Variants in KDM2B observed in about 807,000 individuals in gnomAD.
KDM2B encodes the protein lysine demethylase 2B.
KDM2B carries 26 observed loss-of-function variants against 150.0 expected under a neutral mutation model. The observed-to-expected ratio is 0.17, with a 90% CI of 0.13 to 0.24. The LOEUF (loss-of-function observed/expected upper bound fraction) is 0.24, where lower values mean the gene tolerates loss of function less well. Ranked by LOEUF, KDM2B falls within the 10% of genes least tolerant of loss-of-function variation. KDM2B has a pLI of 1.00. For synonymous variants in KDM2B, 734 were observed against 729.5 expected, an observed-to-expected ratio of 1.01 and a Z score of -0.10; for missense variants, 1,265 against 1,816.9, an observed-to-expected ratio of 0.70 and a Z score of 5.52.
At chr12:121,580,378 GC>G (rs1409399822) in intron 1 of KDM2B, 1 of 1,008,302 alleles carries the variant, frequency 9.9e-7, no homozygotes, top group Non-Finnish European at 1.2e-6. Flanking sequence ...GGGGGCGGCG[GC>G]CCGAGGAGGT....
chr12:121,515,818 C>G (rs1371347509), intron 9 of KDM2B, among the ~76,000 whole-genome samples: 1 of 151,984 alleles, frequency 6.6e-6, no homozygotes, highest in Non-Finnish European at 1.5e-5. Flanking sequence ...GGATGGAATG[C>G]TTTGGAATGG....
At chr12:121,536,660 GTT>G (rs71079076) in intron 6 of KDM2B, among the ~76,000 whole-genome samples, 12 of 141,608 alleles carry the variant, frequency 8.5e-5, no homozygotes, top group African/African-American at 2.3e-4. Flanking sequence ...CTTCGTCTTG[GTT>G]TTTTTTTTTT....
intron 1 of KDM2B, chr12:121,580,228 C>A: frequency 1.5e-6 from 2 of 1,370,648 alleles, no homozygotes; most frequent in East Asian, 2.6e-5. Context: ...TTGCAAAGTC[C>A]TAGGAAACCA....
chr12:121,443,974 A>C, intron 16 of KDM2B, 38 bp downstream of exon 16: 15 of 1,575,390 alleles, frequency 9.5e-6, no homozygotes, highest in Non-Finnish European at 1.3e-5. Context: ...GACCAGCCAG[A>C]CCAACCCCTT....
chr12:121,451,220 A>G (rs1555291573), intron 13 of KDM2B, among the ~76,000 whole-genome samples: 1 of 152,184 alleles, frequency 6.6e-6, no homozygotes, highest in Non-Finnish European at 1.5e-5. Context: ...GAAGACCTTT[A>G]TGATGATCCA....
Position 121,518,175 on chromosome 12 carries a change from G to A in KDM2B, c.1047+2810C>T, listed in dbSNP as rs1886391968. On this transcript the variant is annotated intron_variant, in intron 9 of 22. Coordinates refer to ENST00000377071, the MANE Select transcript of KDM2B (RefSeq NM_032590.5). The surrounding 1 kb of genome is among the most constrained non-coding windows in gnomAD (Gnocchi z 4.4). ...CCCAAAGTGCTGGGATTACAGGCGT[G>A]AGTCACCATGCCCAGCCTATAAAAC... Among the ~76,000 whole-genome samples, 1 of 152,188 alleles carries A rather than the reference G, an allele frequency of 6.6e-6. No individual in the cohort carries two copies. The highest frequency in any genetic ancestry group is 1.9e-4 in the East Asian group (1 of 5,188).
intron 12 of KDM2B, among the ~76,000 whole-genome samples, chr12:121,489,552 G>T (rs571509991): frequency 6.6e-6 from 1 of 152,226 alleles, no homozygotes; most frequent in East Asian, 1.9e-4. Flanking sequence ...TGATTCTCCT[G>T]CCTCAGCCTC....
chr12:121,464,225 C>A (rs1879507803), intron 12 of KDM2B, among the ~76,000 whole-genome samples: 1 of 152,084 alleles, frequency 6.6e-6, no homozygotes, highest in African/African-American at 2.4e-5. Flanking sequence ...AGAGCAGGAC[C>A]CTGACTCAAA....
At chr12:121,450,119 G>A (rs1876968011) in intron 13 of KDM2B, among the ~76,000 whole-genome samples, 1 of 152,050 alleles carries the variant, frequency 6.6e-6, no homozygotes, top group Admixed American at 6.6e-5. Context: ...TTTGAGACCA[G>A]CCTAGACAAT....
At chr12:121,572,204 T>C (rs1288994248) in intron 4 of KDM2B, among the ~76,000 whole-genome samples, 10 of 152,082 alleles carry the variant, frequency 6.6e-5, no homozygotes, top group Non-Finnish European at 1.0e-4. Context: ...CTCTAAAACA[T>C]ATAAATAAAA....
At chr12:121,526,743 T>G (rs1318170039) in intron 8 of KDM2B, among the ~76,000 whole-genome samples, 1 of 151,812 alleles carries the variant, frequency 6.6e-6, no homozygotes, top group Non-Finnish European at 1.5e-5. Context: ...AATTTAAAAA[T>G]TTTTTTAGCC....
At chr12:121,524,707 A>T (rs1555306507) in intron 8 of KDM2B, 1 of 454,294 alleles carries the variant, frequency 2.2e-6, no homozygotes, top group Non-Finnish European at 4.4e-6. Context: ...ACAGCCCAGG[A>T]AGCATGAGAG....
At chr12:121,554,488 G>A (rs1889757462) in intron 4 of KDM2B, among the ~76,000 whole-genome samples, 1 of 151,416 alleles carries the variant, frequency 6.6e-6, no homozygotes, top group Admixed American at 6.6e-5. Context: ...TCGGCTCACT[G>A]CAACCTCTGC....
chr12:121,482,318 T>G (rs981951282), intron 12 of KDM2B, among the ~76,000 whole-genome samples: 40 of 152,136 alleles, frequency 2.6e-4, no homozygotes, highest in African/African-American at 8.2e-4. Flanking sequence ...TTTCATTGTG[T>G]TGTTTTGAGA....
chr12:121,461,563 T>C (rs75753323), intron 12 of KDM2B, among the ~76,000 whole-genome samples: 1,779 of 152,174 alleles, frequency 0.012, 38 homozygotes, highest in African/African-American at 0.041. Flanking sequence ...GACCCGGTGA[T>C]TGGCTGAACA....
intron 12 of KDM2B, among the ~76,000 whole-genome samples, chr12:121,474,581 G>C (rs1946072687): frequency 6.6e-6 from 1 of 152,190 alleles, no homozygotes; most frequent in Admixed American, 6.5e-5. Context: ...TCATGCTCTT[G>C]CAGAAAAACG....
the KDM2B span, chr12:121,423,297 G>T: frequency 2.0e-6 from 2 of 1,002,456 alleles, no homozygotes; most frequent in South Asian, 3.2e-5. The surrounding 1 kb of genome is among the most constrained non-coding windows in gnomAD (Gnocchi z 4.3). Flanking sequence ...GGGTCATTCA[G>T]CAGGTGGCTG....
At chr12:121,466,829 G>C (rs1274834758) in intron 12 of KDM2B, among the ~76,000 whole-genome samples, 1 of 145,806 alleles carries the variant, frequency 6.9e-6, no homozygotes, top group African/African-American at 2.5e-5. Flanking sequence ...CGCGCCCCGC[G>C]GCCGCCGGCA....
chr12:121,443,124 C>T, intron 17 of KDM2B, 94 bp from the exon 18 acceptor site: 1 of 1,264,270 alleles, frequency 7.9e-7, no homozygotes, highest in Non-Finnish European at 1.1e-6. Flanking sequence ...CCACAGTCTC[C>T]AGAGGAGGGG....
Sources: gnomAD v4.1 joint callset for allele counts (sites outside exome capture counted in the v4.1 genomes callset) on GRCh38, gnomAD v4.1.1 for gene constraint, Gnocchi (gnomAD v3.1) non-coding constraint, MANE v1.5 for transcripts, NCBI Gene and HGNC (gene_info 2026-07-23, HGNC 2026-07-21) for gene names.